Variants in LRRC4C observed in about 807,000 individuals in gnomAD.
LRRC4C encodes leucine rich repeat containing 4C.
LRRC4C carries 5 observed loss-of-function variants against 33.6 expected under a neutral mutation model. The ratio of observed to expected loss-of-function variants is 0.15; its 90% CI spans 0.08 to 0.31. The LOEUF is 0.31. Ranked by LOEUF, LRRC4C falls within the 10% of genes least tolerant of loss-of-function variation. LRRC4C has a pLI of 1.00. For synonymous variants in LRRC4C, 329 were observed against 302.0 expected (o/e 1.09, Z -0.93); for missense variants, 560 against 796.7 (o/e 0.70, Z 3.58).
chr11:41,240,856 T>C (rs114364643), intron 1 of LRRC4C, among the ~76,000 whole-genome samples: 1 of 152,056 alleles, frequency 6.6e-6, no homozygotes, highest in Non-Finnish European at 1.5e-5. Context: ...CTTTGAGGTA[T>C]TACAGTAAAA....
chr11:41,260,612 T>TAC (rs901010682), intron 1 of LRRC4C, among the ~76,000 whole-genome samples: 1 of 151,720 alleles, frequency 6.6e-6, no homozygotes, highest in African/African-American at 2.4e-5. Context: ...TATATATGTG[T>TAC]ACACACATAT....
chr11:40,978,983 A>T (rs1852303405), intron 1 of LRRC4C, among the ~76,000 whole-genome samples: 1 of 152,060 alleles, frequency 6.6e-6, no homozygotes, highest in Admixed American at 6.5e-5. Context: ...ACATATATGA[A>T]TTCACTATAC....
chr11:40,459,704 A>T (rs888938374), intron 3 of LRRC4C, among the ~76,000 whole-genome samples: 1 of 152,170 alleles, frequency 6.6e-6, no homozygotes, highest in African/African-American at 2.4e-5. Context: ...AAGGGTGATG[A>T]CTCACAAAGC....
intron 5 of LRRC4C, among the ~76,000 whole-genome samples, chr11:40,159,001 A>T (rs1858937285): frequency 1.3e-5 from 2 of 152,200 alleles, no homozygotes; most frequent in Admixed American, 1.3e-4. Flanking sequence ...TGAGCATGAT[A>T]GGATTAAGTG....
chr11:40,411,402 G>A (rs1950150855), intron 3 of LRRC4C, among the ~76,000 whole-genome samples: 4 of 151,992 alleles, frequency 2.6e-5, no homozygotes, highest in Non-Finnish European at 4.4e-5. Flanking sequence ...AAAAGTGAAT[G>A]TTATTTGAAA....
chr11:41,200,313 A>C (rs1946353032), intron 1 of LRRC4C, among the ~76,000 whole-genome samples: 2 of 152,266 alleles, frequency 1.3e-5, no homozygotes, highest in Admixed American at 1.3e-4. Context: ...AAATCAGAAA[A>C]TGCTGTGGAA....
At chr11:40,931,654 G>GT (rs1957628746) in intron 2 of LRRC4C, among the ~76,000 whole-genome samples, 2 of 151,660 alleles carry the variant, frequency 1.3e-5, no homozygotes, top group Non-Finnish European at 2.9e-5. Flanking sequence ...AGGATAAAGG[G>GT]GTGTGTATGT....
chr11:41,441,627 A>AAC (rs1290063360), intron 1 of LRRC4C, among the ~76,000 whole-genome samples: 2 of 151,602 alleles, frequency 1.3e-5, no homozygotes, highest in African/African-American at 4.8e-5. Context: ...AAAAAAAAAA[A>AAC]AAAGATAGAT....
intron 1 of LRRC4C, among the ~76,000 whole-genome samples, chr11:41,224,742 A>G (rs898990466): frequency 2.0e-5 from 3 of 152,204 alleles, no homozygotes; most frequent in African/African-American, 7.2e-5. Flanking sequence ...TGTGGGATTA[A>G]CTGAGATGAT....
chr11:40,475,289 A>ATTT (rs1357903938), intron 3 of LRRC4C, among the ~76,000 whole-genome samples: 66 of 152,312 alleles, frequency 4.3e-4, no homozygotes, highest in African/African-American at 1.5e-3. Flanking sequence ...GGAAAAGTTC[A>ATTT]TGTTTTTTGC....
chr11:40,979,303 A>G (rs1353311569), intron 1 of LRRC4C, among the ~76,000 whole-genome samples: 1 of 152,190 alleles, frequency 6.6e-6, no homozygotes, highest in Non-Finnish European at 1.5e-5. Flanking sequence ...CTAGGGCCTA[A>G]TATATTACAG....
At chr11:40,224,040 G>A (rs1864609801) in intron 5 of LRRC4C, among the ~76,000 whole-genome samples, 1 of 152,162 alleles carries the variant, frequency 6.6e-6, no homozygotes, top group Admixed American at 6.5e-5. Flanking sequence ...ACCTTTGAAT[G>A]GTATGTGTGT....
intron 3 of LRRC4C, among the ~76,000 whole-genome samples, chr11:40,451,974 C>T (rs1475248636): frequency 2.0e-5 from 3 of 151,984 alleles, no homozygotes; most frequent in South Asian, 2.1e-4. Context: ...AGAGCTTGAG[C>T]GTGAGCCAAA....
In LRRC4C at chr11:41,163,638, G is replaced by GTC. The variant is rs1944584603; in HGVS notation, c.-495-229917_-495-229916dup. 4.7e-5 allele frequency among the ~76,000 whole-genome samples: 7 copies of GTC among 150,484 alleles called. No homozygotes were observed. In the South Asian group the frequency reaches 1.3e-3, roughly 27 times the overall value. On this transcript the variant is annotated intron_variant, in intron 1 of 6. Coordinates refer to ENST00000528697, the MANE Select transcript of LRRC4C (RefSeq NM_001258419.2). ...CTGTTTTTTTTTTGTTTGAAACAGAGTCTCTCTCTGTTGCCCAGGCTGGAG... is the reference window on the plus strand; with the variant it reads ...CTGTTTTTTTTTTGTTTGAAACAGAGTCTCTCTCTCTGTTGCCCAGGCTGGAG...
rs377286641 is a variant in LRRC4C, at chr11:40,116,203, C to T, written c.90G>A (p.Leu30=). ...RALFDPLLVV[L]LALQLLVVAG... ...CCACCACAAGAAGTTGAAGAGCCAG[C>T]AGCACCACAAGCAGGGGGTCAAATA... Residue 30 remains leucine (L), a synonymous_variant, in exon 7 of 7, where the codon CTG becomes CTA. Coordinates refer to ENST00000528697, the MANE Select transcript of LRRC4C (RefSeq NM_001258419.2). The T allele has an allele frequency of 1.4e-5, 23 of 1,614,032 alleles. No individual in the cohort carries two copies. In the African/African-American group the frequency reaches 2.3e-4, roughly 16 times the overall value.
At chr11:40,691,450 C>G (rs189951827) in intron 2 of LRRC4C, among the ~76,000 whole-genome samples, 4 of 152,114 alleles carry the variant, frequency 2.6e-5, no homozygotes, top group African/African-American at 9.6e-5. Context: ...TCACAGCAAC[C>G]CAGCAAGTTA....
chr11:40,434,331 C>T (rs983080308), intron 3 of LRRC4C, among the ~76,000 whole-genome samples: 2 of 152,192 alleles, frequency 1.3e-5, no homozygotes, highest in African/African-American at 4.8e-5. Flanking sequence ...TACCCTAGAG[C>T]TTTCACAGGG....
intron 1 of LRRC4C, among the ~76,000 whole-genome samples, chr11:41,341,648 T>C (rs937386726): frequency 2.6e-5 from 4 of 152,186 alleles, no homozygotes; most frequent in Non-Finnish European, 5.9e-5. Context: ...CAAAAGACCA[T>C]GTAAATAAAG....
intron 2 of LRRC4C, among the ~76,000 whole-genome samples, chr11:40,795,438 G>C (rs1370135658): frequency 1.3e-5 from 2 of 152,184 alleles, no homozygotes; most frequent in Non-Finnish European, 2.9e-5. Flanking sequence ...ACTGAGGCAG[G>C]AGAATGGCGT....
Sources: allele counts gnomAD v4.1 joint callset (sites outside exome capture counted in the v4.1 genomes callset), GRCh38; gene constraint gnomAD v4.1.1; transcripts MANE v1.5; gene names NCBI Gene and HGNC (gene_info 2026-07-23, HGNC 2026-07-21).